Variants in CSMD1 observed in about 807,000 individuals in gnomAD.
The protein encoded by CSMD1 is CUB and Sushi multiple domains 1.
A neutral mutation model predicts 417.5 loss-of-function variants in CSMD1; 213 were observed. That is an observed-to-expected ratio of 0.51 (90% CI 0.46 to 0.57). CSMD1 has a LOEUF of 0.57. CSMD1 is among the 20% of genes least tolerant of loss of function. The pLI is 0.00. For synonymous variants in CSMD1, 2,862 were observed against 1,736.8 expected (o/e 1.65, Z -16.11); for missense variants, 6,923 against 4,529.7 (o/e 1.53, Z -15.17).
chr8:4,318,713 CAAAA>C (rs33979970), intron 3 of CSMD1, among the ~76,000 whole-genome samples: 10 of 143,542 alleles, frequency 7.0e-5, no homozygotes, highest in South Asian at 2.2e-4. Flanking sequence ...TTTAAAATCT[CAAAA>C]AAAAAAAAAA....
intron 10 of CSMD1, among the ~76,000 whole-genome samples, chr8:3,497,468 G>A (rs1372316126): frequency 6.6e-6 from 1 of 152,040 alleles, no homozygotes; most frequent in African/African-American, 2.4e-5. Flanking sequence ...GTGCAGTGGT[G>A]CAATCTCAGC....
chr8:3,232,820 T>G (rs1412913048), intron 26 of CSMD1, among the ~76,000 whole-genome samples: 1 of 152,130 alleles, frequency 6.6e-6, no homozygotes, highest in Non-Finnish European at 1.5e-5. Context: ...TTCTCGTGCT[T>G]TTATTTTAGT....
intron 43 of CSMD1, 36 bp from the exon 44 acceptor site, chr8:3,108,784 A>G (rs745871225): frequency 3.2e-6 from 5 of 1,570,328 alleles, no homozygotes; most frequent in Non-Finnish European, 4.3e-6. Context: ...GGCTAAGGAT[A>G]TTTACTTCTG....
chr8:3,843,804 A>G lies in CSMD1; in HGVS notation c.819-89762T>C, dbSNP rs371647264. Among the ~76,000 whole-genome samples the G allele has an allele frequency of 2.0e-4, 30 of 152,302 alleles. 1 individual carries two copies. In the South Asian group the frequency reaches 6.2e-3, roughly 32 times the overall value. On this transcript the variant is annotated intron_variant, in intron 5 of 69. Transcript: ENST00000635120. ...TCTGCAAAATGTGCATGAAAGTAATACTTCCAAGGCTTGTTTTAGGAATCA... is the reference window on the plus strand; with the variant it reads ...TCTGCAAAATGTGCATGAAAGTAATGCTTCCAAGGCTTGTTTTAGGAATCA...
At chr8:4,622,731 C>G (rs1442347274) in intron 2 of CSMD1, among the ~76,000 whole-genome samples, 1 of 152,060 alleles carries the variant, frequency 6.6e-6, no homozygotes, top group African/African-American at 2.4e-5. Context: ...GTGTTCCTCA[C>G]TTTTACCACT....
At chr8:3,064,434 T>C (rs1812788018) in intron 49 of CSMD1, among the ~76,000 whole-genome samples, 1 of 152,200 alleles carries the variant, frequency 6.6e-6, no homozygotes, top group African/African-American at 2.4e-5. Context: ...CTTTCTGCCA[T>C]GATTGTAAGT....
chr8:3,765,898 C>A (rs1023110558), intron 5 of CSMD1, among the ~76,000 whole-genome samples: 1 of 152,196 alleles, frequency 6.6e-6, no homozygotes, highest in African/African-American at 2.4e-5. Context: ...GTATGAGAGT[C>A]CATCTCAAAC....
chr8:2,965,144 C>T lies in CSMD1; in HGVS notation c.9280+631G>A, dbSNP rs1476173795. ...CGCAAATCCCTGGCCCTTGCACAGCCGCCACTCAGCCCTGCTCCCTGTCAC... is the reference window on the plus strand; with the variant it reads ...CGCAAATCCCTGGCCCTTGCACAGCTGCCACTCAGCCCTGCTCCCTGTCAC... On this transcript the variant is annotated intron_variant, in intron 59 of 69. Coordinates refer to ENST00000635120, the MANE Select transcript of CSMD1 (RefSeq NM_033225.6). Among the ~76,000 whole-genome samples the T allele has an allele frequency of 4.6e-5, 7 of 152,254 alleles. 1 individual carries two copies. The highest frequency in any genetic ancestry group is 3.9e-4 in the East Asian group (2 of 5,182).
In CSMD1 at chr8:3,019,489, T is replaced by C. The variant is rs112501271; in HGVS notation, c.7856-839A>G. 7.9e-3 allele frequency among the ~76,000 whole-genome samples: 1,197 copies of C among 152,336 alleles called. 7 individuals are homozygous for C. The highest frequency in any genetic ancestry group is 0.012 in the Non-Finnish European group (829 of 68,028). On this transcript the variant is annotated intron_variant, in intron 51 of 69. Transcript: ENST00000635120. The stretch of plus-strand genomic sequence containing the variant: ...GGTATTAAAATCTAGGACTTCGGAA[T>C]GCAATAGCAGTGCTCAGTTTATTTG...
At chr8:4,905,123 C>A (rs1256415920) in intron 1 of CSMD1, among the ~76,000 whole-genome samples, 1 of 152,064 alleles carries the variant, frequency 6.6e-6, no homozygotes, top group East Asian at 1.9e-4. Flanking sequence ...ATATACTCAA[C>A]TTTTAAATGT....
In CSMD1 at chr8:3,108,728, G is replaced by A. The variant is rs1369795833; in HGVS notation, c.6629C>T (p.Ser2210Leu). The change falls in exon 44 of 70, where the codon TCA becomes TTA. Residue 2210 changes from serine to leucine, a missense_variant. Physicochemically the swap from Ser to Leu is moderately radical, Grantham distance 145. Coordinates refer to ENST00000635120, the MANE Select transcript of CSMD1 (RefSeq NM_033225.6). ...IAVWDGPDQN[S>L]PQLGVFSGNT... ...GCCACTGAAAACTCCCAGCTGGGGT[G>A]AGTTCTGATCGGGACCGTCCCTAGG... 2 of 1,613,248 alleles carry A rather than the reference G, an allele frequency of 1.2e-6. No homozygotes were observed. Among genetic ancestry groups the A allele is most frequent in the African/African-American group, 2.7e-5 (2 of 74,928 alleles).
intron 3 of CSMD1, among the ~76,000 whole-genome samples, chr8:4,084,883 A>G (rs1585280590): frequency 1.3e-5 from 2 of 152,154 alleles, no homozygotes; most frequent in Admixed American, 6.6e-5. Context: ...AAATACATAC[A>G]TTCAGTTTAA....
At chr8:3,525,427 C>T (rs747761785) in intron 10 of CSMD1, among the ~76,000 whole-genome samples, 1 of 152,094 alleles carries the variant, frequency 6.6e-6, no homozygotes, top group Non-Finnish European at 1.5e-5. Context: ...GTACTGAGTT[C>T]ACAAAAATTT....
intron 3 of CSMD1, among the ~76,000 whole-genome samples, chr8:4,142,543 C>G (rs1043615454): frequency 1.3e-5 from 2 of 151,280 alleles, no homozygotes; most frequent in African/African-American, 4.9e-5. Context: ...GCAACATGTT[C>G]AGACACTAAA....
At position 3,084,524 on chromosome 8, in the gene CSMD1, CA is replaced by C. The variant is rs201491681; in HGVS notation, c.7474+2572del. 9.7e-3 allele frequency among the ~76,000 whole-genome samples: 944 copies of C among 97,526 alleles called. 4 individuals carry two copies. The highest frequency in any genetic ancestry group is 0.013 in the Non-Finnish European group (669 of 50,248). The allele number at this position is 97,526 out of a possible 152,430, so 64.0% of individuals were successfully genotyped here. On this transcript the variant is annotated intron_variant, in intron 49 of 69. Coordinates refer to ENST00000635120, the MANE Select transcript of CSMD1 (RefSeq NM_033225.6). ...GGGCAACAAAAGCAAAACTCCGTCT[CA>C]AAAAAAAAAAAAAAAAAATCTACAT...
intron 1 of CSMD1, among the ~76,000 whole-genome samples, chr8:4,959,350 C>T (rs6986895): frequency 0.66 from 100,267 of 152,098 alleles, 34,100 homozygotes; most frequent in Non-Finnish European, 0.74. Context: ...TGGTGTTCCC[C>T]GCATGTCAGG....
intron 1 of CSMD1, among the ~76,000 whole-genome samples, chr8:4,674,985 T>A (rs1479331921): frequency 6.6e-6 from 1 of 152,126 alleles, no homozygotes; most frequent in Non-Finnish European, 1.5e-5. Context: ...GAGGCAGCTG[T>A]CTCCAAACCA....
intron 3 of CSMD1, among the ~76,000 whole-genome samples, chr8:4,213,582 C>T (rs13249547): frequency 0.12 from 17,655 of 152,194 alleles, 1,219 homozygotes; most frequent in South Asian, 0.18. Flanking sequence ...CCACTTGCAA[C>T]GTGAAAGAAA....
intron 3 of CSMD1, among the ~76,000 whole-genome samples, chr8:4,394,729 G>A (rs1193520970): frequency 1.3e-5 from 2 of 152,148 alleles, no homozygotes; most frequent in African/African-American, 2.4e-5. Flanking sequence ...ATCAAAGAGT[G>A]ACATTTTCTC....
Sources: gnomAD v4.1 joint callset for allele counts (sites outside exome capture counted in the v4.1 genomes callset) on GRCh38, gnomAD v4.1.1 for gene constraint, MANE v1.5 for transcripts, NCBI Gene and HGNC (gene_info 2026-07-23, HGNC 2026-07-21) for gene names.